The following MCM10 variants were observed in gnomAD, a reference collection of about 807,000 sequenced individuals.
MCM10 encodes the protein minichromosome maintenance 10 replication initiation factor.
A neutral mutation model predicts 109.9 loss-of-function variants in MCM10; 91 were observed. That is an observed-to-expected ratio of 0.83 (90% confidence interval 0.70 to 0.99). The LOEUF (loss-of-function observed/expected upper bound fraction) is 0.99, where lower values mean the gene tolerates loss of function less well. Among genes scored for constraint, MCM10 ranks in the 50% least tolerant of loss-of-function variants. The probability of loss-of-function intolerance (pLI) is 0.00; values close to 1 mark genes in which losing one functional copy is unlikely to be tolerated. For missense variants in MCM10, 1,077 were observed against 1,061.2 expected, an observed-to-expected ratio of 1.01 and a Z score of -0.21; for synonymous variants, 380 against 387.2, an observed-to-expected ratio of 0.98 and a Z score of 0.22.
Position 13,183,053 on chromosome 10 carries a change from G to GGGAT in MCM10, c.1052_1055dup (p.Ile352MetfsTer32). 6.2e-7 allele frequency: 1 copy of GGGAT among 1,614,186 alleles called. No individual in the cohort carries two copies. On this transcript the variant is annotated frameshift_variant, in exon 8 of 20. Coordinates refer to ENST00000378714, the MANE Select transcript of MCM10 (RefSeq NM_018518.5). LOFTEE classifies it high-confidence loss of function. Reference sequence around the variant, plus strand: ...GAAGACGGAGCAGGGGACTGTCGTAGGGATCCTCAATGCCAACCCCATGAA... The same window carrying GGGAT: ...GAAGACGGAGCAGGGGACTGTCGTAGGGATGGATCCTCAATGCCAACCCCATGAA...
intron 9 of MCM10, 41 bp from the exon 10 acceptor site, chr10:13,188,840 C>G (rs756355819): frequency 5.1e-6 from 8 of 1,562,992 alleles, no homozygotes; most frequent in Non-Finnish European, 7.1e-6. Context: ...GTTTCCCAGC[C>G]TGTTGCCCTC....
chr10:13,208,998 G>C, intron 18 of MCM10, 93 bp from the exon 19 acceptor site: 1 of 840,494 alleles, frequency 1.2e-6, no homozygotes, highest in Non-Finnish European at 2.0e-6. Context: ...CCTTGAATGG[G>C]GGCCTACTCT....
intron 13 of MCM10, among the ~76,000 whole-genome samples, chr10:13,193,634 T>G (rs548086020): frequency 1.6e-4 from 24 of 152,200 alleles, no homozygotes; most frequent in African/African-American, 5.5e-4. Context: ...AGGAAATTCT[T>G]TGGGAAAGTA....
intron 11 of MCM10, 31 bp downstream of exon 11, chr10:13,191,430 T>A (rs1834345572): frequency 6.4e-7 from 1 of 1,572,654 alleles, no homozygotes; most frequent in Non-Finnish European, 8.8e-7. Context: ...GAAATTTCTT[T>A]CTCCAGTTTA....
chr10:13,183,153 A>G, intron 8 of MCM10, 53 bp downstream of exon 8: 1 of 1,580,948 alleles, frequency 6.3e-7, no homozygotes, highest in Non-Finnish European at 8.6e-7. Flanking sequence ...AAGTTAACTG[A>G]GTTTTATCAA....
intron 18 of MCM10, among the ~76,000 whole-genome samples, chr10:13,207,737 G>GT (rs1166406498): frequency 6.6e-6 from 1 of 152,026 alleles, no homozygotes; most frequent in Non-Finnish European, 1.5e-5. Context: ...CTCTTCCTTC[G>GT]TCTTCCACCA....
chr10:13,169,453 G>A (rs1834042314), intron 2 of MCM10, among the ~76,000 whole-genome samples: 1 of 152,080 alleles, frequency 6.6e-6, no homozygotes, highest in Admixed American at 6.6e-5. Context: ...TCCACTTTGA[G>A]AACAATTTGG....
chr10:13,173,597 G>A (rs930394311), intron 5 of MCM10, among the ~76,000 whole-genome samples: 2 of 152,188 alleles, frequency 1.3e-5, no homozygotes, highest in African/African-American at 4.8e-5. Context: ...GGAGGACACA[G>A]CATTTTATTG....
At position 13,171,250 on chromosome 10, in the gene MCM10, T is replaced by G. The variant is rs770686196; in HGVS notation, c.336T>G (p.Asn112Lys). The stretch of plus-strand genomic sequence containing the variant: ...CTGCCCCCAGGCGAGAGAAAACGAA[T>G]GAAGAGTTGCAAGGTGCCCTAACTA... ...PAPAPRREKT[N>K]EELQEELRNL... The change falls in exon 3 of 20, where the codon AAT becomes AAG. Residue 112 changes from asparagine to lysine, a missense_variant. By Grantham distance (94) the Asn-to-Lys change is moderately conservative. Transcript: ENST00000378714. 1 of 1,609,458 alleles carries G rather than the reference T, an allele frequency of 6.2e-7. No individual in the cohort carries two copies. The highest frequency in any genetic ancestry group is 8.5e-7 in the Non-Finnish European group (1 of 1,177,900).
At chr10:13,201,320 T>A in intron 16 of MCM10, 101 bp from the exon 17 acceptor site, 1 of 744,580 alleles carries the variant, frequency 1.3e-6, no homozygotes, top group Non-Finnish European at 2.3e-6. Flanking sequence ...TTGATTATTA[T>A]CAGCTGAGTC....
At chr10:13,188,048 G>A (rs1031407236) in intron 9 of MCM10, among the ~76,000 whole-genome samples, 1 of 152,230 alleles carries the variant, frequency 6.6e-6, no homozygotes, top group Non-Finnish European at 1.5e-5. Context: ...GGGAGGCTGA[G>A]GCAGAAGAAT....
At chr10:13,165,074 G>A (rs929875241) in intron 2 of MCM10, among the ~76,000 whole-genome samples, 2 of 152,144 alleles carry the variant, frequency 1.3e-5, no homozygotes, top group Non-Finnish European at 2.9e-5. Context: ...CCTGAGAGAT[G>A]TGTTTCCACA....
Position 13,171,102 on chromosome 10 carries a change from A to C in MCM10, c.188A>C (p.Glu63Ala). ...ESYTEEADDG[E>A]TGETRDEKEN... ...TATACAGAAGAGGCTGATGATGGAG[A>C]AACAGGAGAGACAAGAGACGAAAAG... The change falls in exon 3 of 20, where the codon GAA becomes GCA. Residue 63 changes from glutamate (E) to alanine (A), a missense_variant. Physicochemically the swap from Glu to Ala is moderately radical, Grantham distance 107 (BLOSUM62 -1). Transcript: ENST00000378714. 2 of 1,614,198 alleles carry C rather than the reference A, an allele frequency of 1.2e-6. No homozygotes were observed. Among genetic ancestry groups the C allele is most frequent in the South Asian group, 1.1e-5 (1 of 91,086 alleles).
At chr10:13,169,347 C>T (rs1390213516) in intron 2 of MCM10, among the ~76,000 whole-genome samples, 3 of 152,190 alleles carry the variant, frequency 2.0e-5, no homozygotes, top group African/African-American at 7.2e-5. Flanking sequence ...CTGCACTTAA[C>T]CTCACTCCTT....
chr10:13,198,582 G>A, intron 15 of MCM10, 107 bp from the exon 16 acceptor site: 1 of 729,642 alleles, frequency 1.4e-6, no homozygotes, highest in East Asian at 2.5e-5. Context: ...CAAGTTTGAA[G>A]GGCTGGTAGG....
rs533051179 is a variant in MCM10 at position 13,204,448 on chromosome 10, C to CA, written c.2498+84_2498+85insA. The CA allele has an allele frequency of 7.3e-4, 1,110 of 1,520,270 alleles. 13 individuals are homozygous for CA. In the African/African-American group the frequency reaches 0.014, roughly 19 times the overall value. The allele number at this position is 1,520,270 out of a possible 1,614,324, so 94.2% of individuals were successfully genotyped here. A position where few individuals can be genotyped will look rare whatever the true frequency, so the allele number is the denominator to read the frequency against. ...AGTCTGTGATTCTGTTCCCTTGGAACGTTGGATGATCATTCCATGCCTTCC... is the reference window on the plus strand; with the variant it reads ...AGTCTGTGATTCTGTTCCCTTGGAACAGTTGGATGATCATTCCATGCCTTCC... On this transcript the variant is annotated intron_variant, in intron 18 of 19. Coordinates refer to ENST00000378714, the MANE Select transcript of MCM10 (RefSeq NM_018518.5).
chr10:13,181,895 G>A (rs994377643), intron 7 of MCM10, among the ~76,000 whole-genome samples: 3 of 152,114 alleles, frequency 2.0e-5, no homozygotes, highest in South Asian at 2.1e-4. Context: ...CTCAGCGTCC[G>A]GGCAGTAGAT....
rs1397931494 is a variant in MCM10, at chr10:13,210,969, G to T, written c.*1659G>T. The T allele has an allele frequency of 6.6e-6, 1 of 152,108 alleles. No homozygotes were observed. The highest frequency in any genetic ancestry group is 2.1e-4 in the South Asian group (1 of 4,806). 9.4% of individuals were successfully genotyped at this position (152,108 alleles called of 1,614,324 possible). A position where few individuals can be genotyped will look rare whatever the true frequency, so the allele number is the denominator to read the frequency against. On this transcript the variant is annotated 3_prime_UTR_variant, in exon 20 of 20. Transcript: ENST00000378714. The stretch of plus-strand genomic sequence containing the variant: ...AAACAATGTTCTTGTTTGAACAGAG[G>T]GTATCATTGCAGTCAGTATTCACGT...
At chr10:13,163,762 C>G (rs1009928573) in intron 1 of MCM10, among the ~76,000 whole-genome samples, 4 of 152,112 alleles carry the variant, frequency 2.6e-5, no homozygotes, top group African/African-American at 9.7e-5. Flanking sequence ...AACTTCTGGC[C>G]TCAAGTGATG....
Sources: gnomAD v4.1 joint callset for allele counts (sites outside exome capture counted in the v4.1 genomes callset) on GRCh38, gnomAD v4.1.1 for gene constraint, MANE v1.5 for transcripts, NCBI Gene and HGNC (gene_info 2026-07-23, HGNC 2026-07-21) for gene names.